Variants in MAP4K5 observed in about 807,000 individuals in gnomAD.
The protein encoded by MAP4K5 is mitogen-activated protein kinase kinase kinase kinase 5.
Under a neutral mutation model 135.6 loss-of-function variants are expected in MAP4K5, and 82 were observed. The observed-to-expected ratio is 0.60, with a 90% confidence interval of 0.51 to 0.73. The LOEUF (loss-of-function observed/expected upper bound fraction) is 0.73. MAP4K5 is among the 30% of genes least tolerant of loss of function. MAP4K5 has a pLI of 0.00. For synonymous variants in MAP4K5, 347 were observed against 335.0 expected, an observed-to-expected ratio of 1.04 and a Z score of -0.39; for missense variants, 907 against 1,010.9, an observed-to-expected ratio of 0.90 and a Z score of 1.39.
At chr14:50,525,510 C>T (rs2038243832) in intron 2 of MAP4K5, among the ~76,000 whole-genome samples, 1 of 152,120 alleles carries the variant, frequency 6.6e-6, no homozygotes, top group South Asian at 2.1e-4. Context: ...AAAATCCTTA[C>T]ACTACACTGT....
At chr14:50,506,139 AGT>A (rs2037804645) in intron 2 of MAP4K5, among the ~76,000 whole-genome samples, 1 of 152,230 alleles carries the variant, frequency 6.6e-6, no homozygotes, top group Non-Finnish European at 1.5e-5. Flanking sequence ...AAAATAGAAA[AGT>A]ATAGTTATAC....
chr14:50,546,393 TGA>T (rs984802633), intron 1 of MAP4K5, among the ~76,000 whole-genome samples: 15 of 151,796 alleles, frequency 9.9e-5, no homozygotes, highest in East Asian at 1.9e-4. Flanking sequence ...TGTGTGTGTG[TGA>T]GAGAGCATAC....
At chr14:50,443,205 A>G (rs948094708) in intron 20 of MAP4K5, among the ~76,000 whole-genome samples, 2 of 152,184 alleles carry the variant, frequency 1.3e-5, no homozygotes, top group African/African-American at 2.4e-5. Context: ...TAAGAGACAA[A>G]AAGGTTGATA....
intron 1 of MAP4K5, among the ~76,000 whole-genome samples, chr14:50,553,157 A>C (rs1374526140): frequency 3.3e-5 from 5 of 151,734 alleles, no homozygotes; most frequent in Admixed American, 6.6e-5. Context: ...ATAGCCATGC[A>C]TGGTGGTGTG....
At chr14:50,504,255 T>C (rs1226732668) in intron 3 of MAP4K5, among the ~76,000 whole-genome samples, 1 of 152,104 alleles carries the variant, frequency 6.6e-6, no homozygotes, top group Non-Finnish European at 1.5e-5. Context: ...CAAAAACTAC[T>C]ACTGCACTCA....
chr14:50,486,740 G>A lies in MAP4K5; in HGVS notation c.167-546C>T, dbSNP rs576094735. 2.3e-3 allele frequency among the ~76,000 whole-genome samples: 348 copies of A among 152,212 alleles called. 4 individuals are homozygous for A. Among genetic ancestry groups the A allele is most frequent in the African/African-American group, 8.1e-3 (336 of 41,528 alleles). Reference sequence around the variant, plus strand: ...GAGGTCAGGAGTTCAAGACCAGCCTGGCCAACATGGTGAGACCCCGTTTCT... The same window carrying A: ...GAGGTCAGGAGTTCAAGACCAGCCTAGCCAACATGGTGAGACCCCGTTTCT... On this transcript the variant is annotated intron_variant, in intron 3 of 32. Coordinates refer to ENST00000682126, the MANE Select transcript of MAP4K5 (RefSeq NM_006575.6).
intron 1 of MAP4K5, among the ~76,000 whole-genome samples, chr14:50,551,914 A>G (rs934674927): frequency 6.6e-6 from 1 of 152,162 alleles, no homozygotes; most frequent in Non-Finnish European, 1.5e-5. Context: ...AATACCAAAC[A>G]AGGAAAATTT....
intron 28 of MAP4K5, among the ~76,000 whole-genome samples, chr14:50,431,046 C>T (rs1595424387): frequency 6.6e-6 from 1 of 152,168 alleles, no homozygotes; most frequent in African/African-American, 2.4e-5. Context: ...CACGGGCAAA[C>T]ATGCAATTGA....
intron 14 of MAP4K5, chr14:50,449,072 A>C: frequency 4.7e-6 from 2 of 428,758 alleles, no homozygotes; most frequent in South Asian, 4.1e-5. Context: ...GAAATTAAAC[A>C]GTTCTTTTTG....
In MAP4K5 at chr14:50,504,815, T is replaced by C; in HGVS notation, c.151A>G (p.Ile51Val). The change falls in exon 3 of 33, where the codon ATT becomes GTT. Residue 51 changes from isoleucine to valine, a missense_variant. Around this residue, in one of 3 missense-constraint regions of MAP4K5, gnomAD observed 196 missense variants for 189.3 expected, o/e 1.04. Coordinates refer to ENST00000682126, the MANE Select transcript of MAP4K5 (RefSeq NM_006575.6). ...TAACACATACCAGGCTCCAATTTAATGATTTTTACTGCAGCCAGCTCTCCT... is the reference window on the plus strand; with the variant it reads ...TAACACATACCAGGCTCCAATTTAACGATTTTTACTGCAGCCAGCTCTCCT... Reference protein sequence around the residue: ...HTGELAAVKIIKLEPGDDFSL... With the variant: ...HTGELAAVKIVKLEPGDDFSL... The C allele has an allele frequency of 1.3e-6, 2 of 1,557,506 alleles. No individual in the cohort carries two copies. Among genetic ancestry groups the C allele is most frequent in the East Asian group, 2.4e-5 (1 of 41,832 alleles).
intron 2 of MAP4K5, among the ~76,000 whole-genome samples, chr14:50,508,925 T>A (rs544671430): frequency 6.6e-6 from 1 of 152,232 alleles, no homozygotes; most frequent in Admixed American, 6.5e-5. Flanking sequence ...TAAAGACACA[T>A]GCACATGTAT....
Position 50,454,550 on chromosome 14 carries a change from A to G in MAP4K5, c.1015+1966T>C, listed in dbSNP as rs144787407. Among the ~76,000 whole-genome samples, 54 of 152,236 alleles carry G rather than the reference A, an allele frequency of 3.5e-4. 1 individual carries two copies. In the East Asian group the frequency reaches 9.3e-3, roughly 26 times the overall value. On this transcript the variant is annotated intron_variant, in intron 14 of 32. Coordinates refer to ENST00000682126, the MANE Select transcript of MAP4K5 (RefSeq NM_006575.6). The stretch of plus-strand genomic sequence containing the variant: ...TGGTAAAACATTCCTGATAAATACA[A>G]AAGAAGTTTCACAAAAATTTAAAGA...
Position 50,515,028 on chromosome 14 carries a change from C to T in MAP4K5, c.109-10171G>A, listed in dbSNP as rs145514198. 5.1e-3 allele frequency among the ~76,000 whole-genome samples: 769 copies of T among 152,088 alleles called. 1 individual carries two copies. The highest frequency in any genetic ancestry group is 7.5e-3 in the Non-Finnish European group (513 of 67,974). On this transcript the variant is annotated intron_variant, in intron 2 of 32. Coordinates refer to ENST00000682126, the MANE Select transcript of MAP4K5 (RefSeq NM_006575.6). The stretch of plus-strand genomic sequence containing the variant: ...AAGTAATTCTCTCGCTTCAGCCTCC[C>T]GAGTAGCTGGGACTACAGGCACTCG...
In MAP4K5 at chr14:50,437,481, C is replaced by T; in HGVS notation, c.1877G>A (p.Cys626Tyr). Residue 626 changes from cysteine (C) to tyrosine (Y), a missense_variant, in exon 26 of 33, where the codon TGC becomes TAC. Coordinates refer to ENST00000682126, the MANE Select transcript of MAP4K5 (RefSeq NM_006575.6). ...GAGAAATACCATTTACTCACCTATG[C>T]AACATTTGTGGCAGCCTTTTGTATC... ...IPDTKGCHKC[C>Y]IVRNPYTGHK... is the part of the protein sequence containing the mutation. The T allele has an allele frequency of 1.3e-6, 2 of 1,599,796 alleles. No homozygotes were observed. Among genetic ancestry groups the T allele is most frequent in the Non-Finnish European group, 8.5e-7 (1 of 1,174,086 alleles).
chr14:50,513,597 A>T lies in MAP4K5; in HGVS notation c.109-8740T>A, dbSNP rs1395088041. Among the ~76,000 whole-genome samples the T allele has an allele frequency of 2.0e-5, 3 of 152,196 alleles. No individual in the cohort carries two copies. In the East Asian group the frequency reaches 5.8e-4, roughly 29 times the overall value. ...TTTATAAACTGGGGCTAAAAAAAAA[A>T]AAACCAGCAAGTAAGGACAGCCATC... On this transcript the variant is annotated intron_variant, in intron 2 of 32. Coordinates refer to ENST00000682126, the MANE Select transcript of MAP4K5 (RefSeq NM_006575.6).
chr14:50,525,614 T>C (rs942612246), intron 2 of MAP4K5, among the ~76,000 whole-genome samples: 1 of 152,104 alleles, frequency 6.6e-6, no homozygotes, highest in Admixed American at 6.5e-5. Flanking sequence ...GGTGGATGGA[T>C]TGCTTGAGCC....
chr14:50,518,660 C>T (rs577886215), intron 2 of MAP4K5, among the ~76,000 whole-genome samples: 1 of 152,288 alleles, frequency 6.6e-6, no homozygotes, highest in African/African-American at 2.4e-5. Context: ...TAGAATGACC[C>T]AAAATCTGTT....
intron 2 of MAP4K5, among the ~76,000 whole-genome samples, chr14:50,521,905 A>C (rs999223134): frequency 2.0e-5 from 3 of 152,160 alleles, no homozygotes; most frequent in African/African-American, 7.2e-5. Flanking sequence ...ATATACAAAT[A>C]CTCAAAATAG....
At chr14:50,436,583 G>A (rs2036098154) in intron 26 of MAP4K5, among the ~76,000 whole-genome samples, 1 of 151,814 alleles carries the variant, frequency 6.6e-6, no homozygotes, top group South Asian at 2.1e-4. Flanking sequence ...TTTTGGGTGG[G>A]GGCTTTGGGT....
Sources: allele counts gnomAD v4.1 joint callset (sites outside exome capture counted in the v4.1 genomes callset), GRCh38; gene constraint gnomAD v4.1.1; regional missense constraint gnomAD v4.1.1; transcripts MANE v1.5; gene names NCBI Gene and HGNC (gene_info 2026-07-23, HGNC 2026-07-21).